The following ZC3H12B variants were observed in gnomAD, a reference collection of about 807,000 sequenced individuals.
The protein encoded by ZC3H12B is probable ribonuclease ZC3H12B.
In ZC3H12B, 7 loss-of-function variants were observed where a neutral mutation model predicts 43.9. The ratio of observed to expected loss-of-function variants is 0.16; its 90% CI spans 0.09 to 0.30. The LOEUF (loss-of-function observed/expected upper bound fraction) is 0.30. Among genes scored for constraint, ZC3H12B ranks in the 10% least tolerant of loss-of-function variants. The probability of loss-of-function intolerance (pLI) is 1.00; values close to 1 mark genes in which losing one functional copy is unlikely to be tolerated. For missense variants in ZC3H12B, 475 were observed against 670.2 expected (o/e 0.71, Z 3.22); for synonymous variants, 222 against 241.7 (o/e 0.92, Z 0.76).
chrX:65,238,430 T>G, the ZC3H12B span, among the ~76,000 whole-genome samples: 1 of 111,875 alleles, frequency 8.9e-6, no homozygotes, highest in Non-Finnish European at 1.9e-5. Context: ...TTCTGTGGAG[T>G]CAGTGGTGAT....
chrX:65,285,982 G>A, the ZC3H12B span, among the ~76,000 whole-genome samples: 1 of 111,605 alleles, frequency 9.0e-6, no homozygotes, highest in South Asian at 3.7e-4. Context: ...TTAAAAGATA[G>A]CCACTATAGA....
chrX:65,044,014 A>G, the ZC3H12B span, among the ~76,000 whole-genome samples: 1 of 111,811 alleles, frequency 8.9e-6, no homozygotes, highest in Non-Finnish European at 1.9e-5. Context: ...CAAAGACCCT[A>G]CACTCATGAA....
chrX:65,153,900 A>G, the ZC3H12B span, among the ~76,000 whole-genome samples: 3 of 111,359 alleles, frequency 2.7e-5, no homozygotes, highest in Non-Finnish European at 3.8e-5. Context: ...CTATGCAGCC[A>G]TAAAAAATGA....
chrX:65,039,088 T>TA, the ZC3H12B span, among the ~76,000 whole-genome samples: 1 of 111,780 alleles, frequency 8.9e-6, no homozygotes, highest in African/African-American at 3.2e-5. Flanking sequence ...CATTCCTTCT[T>TA]AAAGTGTGGT....
At chrX:65,480,706 C>T (rs189069770) in intron 3 of ZC3H12B, among the ~76,000 whole-genome samples, 121 of 110,746 alleles carry the variant, frequency 1.1e-3, no homozygotes, top group African/African-American at 4.0e-3. Flanking sequence ...ATTAGCCAGG[C>T]ATGGTGGCGG....
the ZC3H12B span, among the ~76,000 whole-genome samples, chrX:65,249,488 A>G: frequency 8.9e-6 from 1 of 111,896 alleles, no homozygotes; most frequent in South Asian, 3.7e-4. Context: ...AAATCAGGTT[A>G]TGTGATGCCT....
At chrX:65,402,998 A>G (rs897815851) in intron 3 of ZC3H12B, among the ~76,000 whole-genome samples, 1 of 112,569 alleles carries the variant, frequency 8.9e-6, no homozygotes, top group African/African-American at 3.2e-5. Context: ...CCAGGGATCA[A>G]TCTTGGAGAA....
chrX:65,145,846 A>T, the ZC3H12B span, among the ~76,000 whole-genome samples: 3 of 111,759 alleles, frequency 2.7e-5, no homozygotes, highest in African/African-American at 6.5e-5. Context: ...TTCTGCTGAT[A>T]AATCTGATGT....
At chrX:65,036,847 T>C in the ZC3H12B span, among the ~76,000 whole-genome samples, 4 of 110,876 alleles carry the variant, frequency 3.6e-5, no homozygotes, top group Non-Finnish European at 7.6e-5. Flanking sequence ...TAGTATTCCA[T>C]TGAAGTGAGT....
At chrX:65,169,856 T>C in the ZC3H12B span, among the ~76,000 whole-genome samples, 1 of 111,781 alleles carries the variant, frequency 8.9e-6, no homozygotes, top group South Asian at 3.7e-4. Context: ...AGCATTGCAA[T>C]CTCTGCTTTT....
the ZC3H12B span, among the ~76,000 whole-genome samples, chrX:65,105,954 G>A: frequency 9.0e-6 from 1 of 111,418 alleles, no homozygotes; most frequent in Non-Finnish European, 1.9e-5. Flanking sequence ...ATTGATAACT[G>A]GCATTTTATT....
At chrX:65,476,101 G>T (rs923379031) in intron 3 of ZC3H12B, among the ~76,000 whole-genome samples, 1 of 112,058 alleles carries the variant, frequency 8.9e-6, no homozygotes, top group Non-Finnish European at 1.9e-5. Context: ...TCTCAGTGAA[G>T]ACCTATTTGG....
At chrX:65,296,291 G>T in the ZC3H12B span, among the ~76,000 whole-genome samples, 2 of 111,229 alleles carry the variant, frequency 1.8e-5, no homozygotes, top group Non-Finnish European at 3.8e-5. Context: ...TCACGCAGAT[G>T]TGGGAACTAA....
chrX:65,339,440 T>G, the ZC3H12B span, among the ~76,000 whole-genome samples: 1 of 111,814 alleles, frequency 8.9e-6, no homozygotes, highest in African/African-American at 3.3e-5. Flanking sequence ...TCACAGACAT[T>G]TGAGTTGGCA....
chrX:65,176,396 A>G, the ZC3H12B span, among the ~76,000 whole-genome samples: 1 of 111,705 alleles, frequency 9.0e-6, no homozygotes, highest in Non-Finnish European at 1.9e-5. Flanking sequence ...TCAGGGGCTT[A>G]TAGATAAAAC....
the ZC3H12B span, among the ~76,000 whole-genome samples, chrX:65,215,118 A>G: frequency 8.9e-6 from 1 of 111,952 alleles, no homozygotes; most frequent in Non-Finnish European, 1.9e-5. Context: ...TCGTTTGTCC[A>G]TTTACAAAGC....
chrX:65,309,086 A>G, the ZC3H12B span, among the ~76,000 whole-genome samples: 1 of 110,908 alleles, frequency 9.0e-6, no homozygotes, highest in South Asian at 3.8e-4. Context: ...GAACTAGAGA[A>G]GCAAGAGCAA....
At chrX:65,328,232 G>T in the ZC3H12B span, 3 of 242,346 alleles carry the variant, frequency 1.2e-5, no homozygotes, top group Admixed American at 1.4e-4. Flanking sequence ...AAGAATTTCA[G>T]CATACTATGC....
At chrX:65,133,633 G>A in the ZC3H12B span, among the ~76,000 whole-genome samples, 1 of 111,325 alleles carries the variant, frequency 9.0e-6, no homozygotes, top group African/African-American at 3.3e-5. Context: ...GCCGGACTGG[G>A]TGTGAAGAGG....
Sources: gnomAD v4.1 joint callset for allele counts (sites outside exome capture counted in the v4.1 genomes callset) on GRCh38, gnomAD v4.1.1 for gene constraint, MANE v1.5 for transcripts, NCBI Gene and HGNC (gene_info 2026-07-23, HGNC 2026-07-21) for gene names.